SLC25A23: variants seen among roughly 807,000 people sequenced by gnomAD.
SLC25A23 encodes the protein mitochondrial adenyl nucleotide antiporter SLC25A23.
In SLC25A23, 32 loss-of-function variants were observed where a neutral mutation model predicts 53.9. That is an observed-to-expected ratio of 0.59 (90% CI 0.45 to 0.80). SLC25A23 has a LOEUF of 0.80. Ranked by LOEUF, SLC25A23 falls within the 30% of genes least tolerant of loss-of-function variation. The pLI is 0.00. For synonymous variants in SLC25A23, 275 were observed against 264.5 expected (o/e 1.04, Z -0.38); for missense variants, 575 against 651.4 (o/e 0.88, Z 1.28).
At chr19:6,453,647 A>G (rs147850053) in intron 7 of SLC25A23, among the ~76,000 whole-genome samples, 247 of 152,352 alleles carry the variant, frequency 1.6e-3, no homozygotes, top group African/African-American at 4.7e-3. Context: ...GTCTATCCTT[A>G]GAAGAGGCAT....
chr19:6,458,184 T>C lies in SLC25A23; in HGVS notation c.283+14A>G. The C allele has an allele frequency of 6.2e-7, 1 of 1,612,316 alleles. No homozygotes were observed. Among genetic ancestry groups the C allele is most frequent in the African/African-American group, 1.3e-5 (1 of 74,984 alleles). On this transcript the variant is annotated intron_variant, in intron 2 of 9. Transcript: ENST00000301454. ...CTATCCCTTGGGGCCTGCAGGCAGG[T>C]CGCCCGACCTTACCATCCTGGTTCC...
chr19:6,449,876 T>C (rs982327882), intron 8 of SLC25A23, among the ~76,000 whole-genome samples: 3 of 129,870 alleles, frequency 2.3e-5, no homozygotes, highest in Non-Finnish European at 3.5e-5. Flanking sequence ...TTTTTTTTTT[T>C]TTTGAGATGG....
Position 6,459,287 on chromosome 19 carries a change from G to A in SLC25A23, c.156+186C>T, listed in dbSNP as rs901199853. On this transcript the variant is annotated intron_variant, in intron 1 of 9. Transcript: ENST00000301454. The surrounding 1 kb of genome is among the most constrained non-coding windows in gnomAD (Gnocchi z 4.6). ...CGCGGAACTGCAGGCTTGGGGCCTC[G>A]GCGTCCCTGTCTTGAGCGATCCCGT... 1.3e-5 allele frequency among the ~76,000 whole-genome samples: 2 copies of A among 152,150 alleles called. No homozygotes were observed. The highest frequency in any genetic ancestry group is 4.8e-5 in the African/African-American group (2 of 41,436).
downstream of SLC25A23, chr19:6,436,284 C>A (rs1459644520): frequency 5.3e-6 from 2 of 374,448 alleles, no homozygotes; most frequent in Non-Finnish European, 1.1e-5. Flanking sequence ...GTACTGGGAT[C>A]CAGTTGTTTC....
At chr19:6,455,807 C>T (rs2092673265) in intron 4 of SLC25A23, 1 of 287,312 alleles carries the variant, frequency 3.5e-6, no homozygotes, top group Admixed American at 4.2e-5. Context: ...AAGCTCCCGC[C>T]TCCTGGGTTC....
intron 8 of SLC25A23, among the ~76,000 whole-genome samples, chr19:6,448,197 A>G (rs985948926): frequency 1.3e-5 from 2 of 152,184 alleles, no homozygotes; most frequent in Non-Finnish European, 2.9e-5. Flanking sequence ...TTCATTTCCT[A>G]TGCCAATTCT....
At chr19:6,453,085 A>C (rs888108690) in intron 7 of SLC25A23, among the ~76,000 whole-genome samples, 2 of 151,972 alleles carry the variant, frequency 1.3e-5, no homozygotes, top group African/African-American at 2.4e-5. Context: ...TCTTGGCTGG[A>C]GTGTGGAATG....
rs2092404640 is a variant in SLC25A23, at chr19:6,440,468, G to A, written c.*1507C>T. Reference sequence around the variant, plus strand: ...CTGGGGAGGCCCTGATAGTGCTGGGGTGGGGACATCCCTTCATGTGTCCCT... The same window carrying A: ...CTGGGGAGGCCCTGATAGTGCTGGGATGGGGACATCCCTTCATGTGTCCCT... On this transcript the variant is annotated 3_prime_UTR_variant, in exon 10 of 10. Transcript: ENST00000301454. The A allele has an allele frequency of 6.6e-6, 1 of 151,588 alleles. No homozygotes were observed. Among genetic ancestry groups the A allele is most frequent in the Non-Finnish European group, 1.5e-5 (1 of 67,816 alleles). The allele number at this position is 151,588 out of a possible 1,614,324, so 9.4% of individuals were successfully genotyped here.
At chr19:6,453,415 T>C (rs1384836681) in intron 7 of SLC25A23, among the ~76,000 whole-genome samples, 2 of 151,938 alleles carry the variant, frequency 1.3e-5, no homozygotes, top group African/African-American at 4.8e-5. Context: ...AATTTTTGTA[T>C]TTTTAGTAGA....
Position 6,454,142 on chromosome 19 carries a change from GCACTC to G in SLC25A23, c.796-59_796-55del. On this transcript the variant is annotated intron_variant, in intron 6 of 9. Coordinates refer to ENST00000301454, the MANE Select transcript of SLC25A23 (RefSeq NM_024103.3). This position sits in a 1 kb window ranked among gnomAD's most constrained non-coding sequence, Gnocchi z 4.3. ...GGACCATGGGGGTTGAACCTTCCTT[GCACTC>G]CACTGTTCTCCTGGCTTCCAAAGAA... 1 of 1,555,384 alleles carries G rather than the reference GCACTC, an allele frequency of 6.4e-7. No homozygotes were observed. Among genetic ancestry groups the G allele is most frequent in the Non-Finnish European group, 8.8e-7 (1 of 1,141,034 alleles).
rs750520961 is a variant in SLC25A23, at chr19:6,444,257, T to C, written c.1116A>G (p.Ala372=). 6.3e-7 allele frequency: 1 copy of C among 1,582,244 alleles called. No homozygotes were observed. Among genetic ancestry groups the C allele is most frequent in the Non-Finnish European group, 8.6e-7 (1 of 1,163,756 alleles). ...CCAGGAGCACGAGGATGCCTGGGTC[T>C]GCCGAGTCGTGGCTGTACTGCTGAA... ...WWLQQYSHDS[A]DPGILVLLAC... is the part of the protein sequence containing the mutation. Residue 372 remains alanine (A), a synonymous_variant, in exon 9 of 10, where the codon GCA becomes GCG. Transcript: ENST00000301454.
At position 6,441,929 on chromosome 19, in the gene SLC25A23, C is replaced by T; in HGVS notation, c.*46G>A. 1.9e-6 allele frequency: 3 copies of T among 1,570,308 alleles called. No homozygotes were observed. Among genetic ancestry groups the T allele is most frequent in the African/African-American group, 1.4e-5 (1 of 70,632 alleles). ...TGGTTGGATCATCAGTCTCCAGTGG[C>T]TGAGGTGTGGGGGGTGAGGGATTGG... is the stretch of plus-strand genomic sequence containing the variant. On this transcript the variant is annotated 3_prime_UTR_variant, in exon 10 of 10. Transcript: ENST00000301454.
rs532376619 is a variant in SLC25A23 at position 6,456,326 on chromosome 19, G to A, written c.483+94C>T. ...GTGCCTTCTCCTTCTGGAAAGTCCTGGTCCAGCCCATCCAAGCCCTGGGGA... is the reference window on the plus strand; with the variant it reads ...GTGCCTTCTCCTTCTGGAAAGTCCTAGTCCAGCCCATCCAAGCCCTGGGGA... On this transcript the variant is annotated intron_variant, in intron 4 of 9. Transcript: ENST00000301454. 44 of 1,286,864 alleles carry A rather than the reference G, an allele frequency of 3.4e-5. No individual in the cohort carries two copies. The South Asian group carries it at 5.0e-4, about 15-fold the overall frequency. 79.7% of individuals were successfully genotyped at this position (1,286,864 alleles called of 1,614,324 possible).
chr19:6,456,042 C>T (rs900571226), intron 4 of SLC25A23: 1 of 1,315,536 alleles, frequency 7.6e-7, no homozygotes, highest in Non-Finnish European at 9.9e-7. Context: ...TTGAACGATT[C>T]TGTTCAGCCG....
downstream of SLC25A23, among the ~76,000 whole-genome samples, chr19:6,439,399 TCACA>T (rs57370920): frequency 8.1e-4 from 100 of 124,108 alleles, 1 homozygote; most frequent in East Asian, 6.3e-3. Flanking sequence ...TCTCTCTCTC[TCACA>T]CACACACACA....
chr19:6,448,840 A>T (rs1228325753), intron 8 of SLC25A23, among the ~76,000 whole-genome samples: 4 of 150,600 alleles, frequency 2.7e-5, no homozygotes, highest in Non-Finnish European at 5.9e-5. Context: ...CCTGGCCAAC[A>T]TAGTGAAACC....
chr19:6,452,456 C>T lies in SLC25A23; in HGVS notation c.927G>A (p.Leu309=). 1 of 1,608,816 alleles carries T rather than the reference C, an allele frequency of 6.2e-7. No individual in the cohort carries two copies. Among genetic ancestry groups the T allele is most frequent in the Non-Finnish European group, 8.5e-7 (1 of 1,176,290 alleles). ...PMEVLKTRLT[L]RRTGQYKGLL... ...GCCCCTTATACTGGCCCGTCCGGCG[C>T]AAGGTCAGCCGCGTCTTCAGCACCT... The change falls in exon 8 of 10, where the codon TTG becomes TTA. Residue 309 remains leucine (L), a synonymous_variant. Coordinates refer to ENST00000301454, the MANE Select transcript of SLC25A23 (RefSeq NM_024103.3).
At chr19:6,439,395 T>TCACA (rs1177276755), downstream of SLC25A23, among the ~76,000 whole-genome samples, 2,875 of 129,386 alleles carry the variant, frequency 0.022, 75 homozygotes, top group African/African-American at 0.072. Context: ...TCTCTCTCTC[T>TCACA]CTCTCACACA....
intron 8 of SLC25A23, among the ~76,000 whole-genome samples, chr19:6,446,260 A>G (rs563373629): frequency 9.9e-5 from 15 of 151,708 alleles, no homozygotes; most frequent in African/African-American, 3.6e-4. Context: ...CTACTCAGGA[A>G]GCTGAGGCAG....
Sources: allele counts gnomAD v4.1 joint callset (sites outside exome capture counted in the v4.1 genomes callset), GRCh38; gene constraint gnomAD v4.1.1; non-coding constraint Gnocchi (gnomAD v3.1); transcripts MANE v1.5; gene names NCBI Gene and HGNC (gene_info 2026-07-23, HGNC 2026-07-21).